The following COL20A1 variants were observed in gnomAD, a reference collection of about 807,000 sequenced individuals.
The protein encoded by COL20A1 is collagen type XX alpha 1 chain.
A neutral mutation model predicts 152.9 loss-of-function variants in COL20A1; 164 were observed. The observed-to-expected ratio is 1.07, with a 90% CI of 0.94 to 1.22. The LOEUF is 1.22. Among genes scored for constraint, COL20A1 ranks in the 50% most tolerant of loss-of-function variants. The pLI, the probability that COL20A1 is intolerant of heterozygous loss-of-function variation, is 0.00. For synonymous variants in COL20A1, 864 were observed against 756.0 expected, an observed-to-expected ratio of 1.14 and a Z score of -2.34; for missense variants, 1,873 against 1,744.8, an observed-to-expected ratio of 1.07 and a Z score of -1.31.
In COL20A1 at chr20:63,311,788, G is replaced by GC; in HGVS notation, c.1663+44dup. ...CCCGGCTGCCTGCCCACAGGCGGGT[G>GC]CCCCATCTTGTTCCTCAGCCTTCCA... On this transcript the variant is annotated intron_variant, in intron 13 of 35. Transcript: ENST00000358894. The surrounding 1 kb of genome is among the most constrained non-coding windows in gnomAD (Gnocchi z 4.4). The GC allele has an allele frequency of 1.3e-6, 2 of 1,555,948 alleles. No homozygotes were observed. Among genetic ancestry groups the GC allele is most frequent in the Non-Finnish European group, 1.7e-6 (2 of 1,157,272 alleles).
intron 2 of COL20A1, among the ~76,000 whole-genome samples, 153 bp downstream of exon 2, chr20:63,295,342 C>T (rs761138108): frequency 2.0e-5 from 3 of 152,230 alleles, no homozygotes; most frequent in African/African-American, 4.8e-5. Flanking sequence ...AAAGGCAAGA[C>T]GGGAGGGAGC....
chr20:63,307,064 A>G (rs1165130836), intron 5 of COL20A1, among the ~76,000 whole-genome samples: 1 of 152,062 alleles, frequency 6.6e-6, no homozygotes, highest in Non-Finnish European at 1.5e-5. Context: ...CCGCCTCACC[A>G]GGCACTGCTC....
At chr20:63,297,018 C>T (rs2067802652) in intron 2 of COL20A1, among the ~76,000 whole-genome samples, 2 of 152,246 alleles carry the variant, frequency 1.3e-5, no homozygotes, top group Non-Finnish European at 2.9e-5. Flanking sequence ...CCCCCTCTTC[C>T]TCTCAGATGG....
intron 1 of COL20A1, among the ~76,000 whole-genome samples, chr20:63,294,522 G>A (rs764130199): frequency 7.9e-5 from 12 of 151,956 alleles, no homozygotes; most frequent in African/African-American, 7.3e-5. Context: ...CCTCAGAGCC[G>A]TGTGCCCGTG....
At chr20:63,308,434 AC>A (rs2067958874) in intron 7 of COL20A1, 107 bp from the exon 8 acceptor site, 10 of 1,132,052 alleles carry the variant, frequency 8.8e-6, no homozygotes, top group Non-Finnish European at 1.2e-5. Context: ...GCCTCCTGAT[AC>A]CCCACAAGGG....
chr20:63,309,970 C>T, intron 10 of COL20A1, 55 bp downstream of exon 10: 1 of 1,466,412 alleles, frequency 6.8e-7, no homozygotes, highest in Non-Finnish European at 9.2e-7. Context: ...GTAGTGAGAT[C>T]TGATAAGCCA....
chr20:63,308,436 C>T (rs534627895), intron 7 of COL20A1, 106 bp from the exon 8 acceptor site: 1 of 1,159,804 alleles, frequency 8.6e-7, no homozygotes, highest in East Asian at 2.6e-5. Context: ...CTCCTGATAC[C>T]CCACAAGGGA....
At position 63,331,612 on chromosome 20, in the gene COL20A1, C is replaced by T. The variant is rs530255512; in HGVS notation, c.*896C>T. 1.1e-4 allele frequency: 17 copies of T among 152,362 alleles called. No individual in the cohort carries two copies. The highest frequency in any genetic ancestry group is 3.6e-4 in the African/African-American group (15 of 41,570). The allele number at this position is 152,362 out of a possible 1,614,324, so 9.4% of individuals were successfully genotyped here. A position where few individuals can be genotyped will look rare whatever the true frequency, so the allele number is the denominator to read the frequency against. On this transcript the variant is annotated 3_prime_UTR_variant, in exon 36 of 36. Transcript: ENST00000358894. ...GTGGCCCAAACAGCATGGGGGCAAGCTCAGAACACACACCTGGGCTTCTGG... is the reference window on the plus strand; with the variant it reads ...GTGGCCCAAACAGCATGGGGGCAAGTTCAGAACACACACCTGGGCTTCTGG...
intron 2 of COL20A1, among the ~76,000 whole-genome samples, chr20:63,296,977 G>C (rs2067801953): frequency 6.6e-6 from 1 of 152,208 alleles, no homozygotes; most frequent in African/African-American, 2.4e-5. Flanking sequence ...ACCCTCTCCA[G>C]AGCCCTGGGA....
intron 27 of COL20A1, among the ~76,000 whole-genome samples, chr20:63,322,539 A>C (rs773731000): frequency 1.4e-4 from 21 of 151,982 alleles, no homozygotes; most frequent in Non-Finnish European, 1.6e-4. Context: ...GTATTTTCAG[A>C]TGTCTCTAGG....
In COL20A1 at chr20:63,298,031, G is replaced by A; in HGVS notation, c.193+11G>A. On this transcript the variant is annotated intron_variant, in intron 3 of 35. Coordinates refer to ENST00000358894, the MANE Select transcript of COL20A1 (RefSeq NM_020882.4). ...TGAAGCCCATGGCAGGTGAGGACCT[G>A]CCCCTCCCAGGCCCCCTTCCCCATT... 6.3e-7 allele frequency: 1 copy of A among 1,582,736 alleles called. No individual in the cohort carries two copies. The highest frequency in any genetic ancestry group is 1.3e-5 in the African/African-American group (1 of 74,520).
Position 63,313,969 on chromosome 20 carries a change from G to A in COL20A1, c.2358+78G>A. 1.3e-6 allele frequency: 2 copies of A among 1,594,130 alleles called. No homozygotes were observed. Among genetic ancestry groups the A allele is most frequent in the East Asian group, 2.2e-5 (1 of 44,742 alleles). On this transcript the variant is annotated intron_variant, in intron 18 of 35. Transcript: ENST00000358894. The surrounding 1 kb of genome is among the most constrained non-coding windows in gnomAD (Gnocchi z 5.9). ...GGGTATGGCCACACTGTCTGCGAAG[G>A]GTGGCAGCTCTGCCATGGCGGGACG...
rs1296552969 is a variant in COL20A1 at position 63,331,351 on chromosome 20, G to A, written c.*635G>A. The A allele has an allele frequency of 6.6e-6, 1 of 152,296 alleles. No individual in the cohort carries two copies. Among genetic ancestry groups the A allele is most frequent in the Non-Finnish European group, 1.5e-5 (1 of 68,116 alleles). The allele number at this position is 152,296 out of a possible 1,614,324, so 9.4% of individuals were successfully genotyped here. On this transcript the variant is annotated 3_prime_UTR_variant, in exon 36 of 36. Transcript: ENST00000358894. ...TCCCCTCTGTCCCCAGCCCAAGAAG[G>A]AGTTCAGATCCTGTGTGTGAATGGC...
At chr20:63,325,846 C>T (rs1568788892) in intron 29 of COL20A1, 125 bp downstream of exon 29, 1 of 878,294 alleles carries the variant, frequency 1.1e-6, no homozygotes, top group Non-Finnish European at 1.8e-6. Flanking sequence ...TCCTGCCTCA[C>T]CTGCTGCACC....
rs760926480 is a variant in COL20A1 at position 63,316,705 on chromosome 20, G to C, written c.2663+14G>C. 3.9e-6 allele frequency: 6 copies of C among 1,523,094 alleles called. No homozygotes were observed. Among genetic ancestry groups the C allele is most frequent in the Non-Finnish European group, 5.3e-6 (6 of 1,134,758 alleles). The allele number at this position is 1,523,094 out of a possible 1,614,324, so 94.3% of individuals were successfully genotyped here. A position where few individuals can be genotyped will look rare whatever the true frequency, so the allele number is the denominator to read the frequency against. ...AAGACGGGTCAGGTGTGAGGGCAAG[G>C]GCTGGGGTGGAGCTGGAAGCCCAGG... On this transcript the variant is annotated intron_variant, in intron 21 of 35. Transcript: ENST00000358894.
chr20:63,293,760 G>T (rs1466148937), intron 1 of COL20A1, among the ~76,000 whole-genome samples: 1 of 152,020 alleles, frequency 6.6e-6, no homozygotes, highest in Non-Finnish European at 1.5e-5. Context: ...CCCTTGGCCG[G>T]CCGGGCGGGC....
In COL20A1 at chr20:63,320,323, T is replaced by G. The variant is rs1325421337; in HGVS notation, c.3108T>G (p.Ser1036Arg). Residue 1036 changes from serine (S) to arginine (R), a missense_variant, in exon 25 of 36, where the codon AGT (serine) becomes AGG (arginine). Transcript: ENST00000358894. ...FQLQMLQIVC[S>R]DTWADEDRCC... ...TCCAGATGCTGCAGATCGTGTGCAG[T>G]GACACCTGGGCCGATGAGGACCGGT... 2.5e-6 allele frequency: 4 copies of G among 1,611,068 alleles called. No homozygotes were observed. Among genetic ancestry groups the G allele is most frequent in the African/African-American group, 2.7e-5 (2 of 74,934 alleles).
At chr20:63,297,840 G>T in intron 2 of COL20A1, 70 bp from the exon 3 acceptor site, 1 of 1,218,118 alleles carries the variant, frequency 8.2e-7, no homozygotes, top group Non-Finnish European at 1.2e-6. Context: ...CAGGATGCCT[G>T]TACCCCCACA....
chr20:63,308,648 C>T lies in COL20A1; in HGVS notation c.882C>T (p.Asp294=), dbSNP rs377136576. ...VILVTDGKSQ[D]DVHTAARVLK... Reference sequence around the variant, plus strand: ...TGGTGACGGACGGCAAGTCCCAGGACGATGTGCACACTGCTGCCCGTGTCC... The same window carrying T: ...TGGTGACGGACGGCAAGTCCCAGGATGATGTGCACACTGCTGCCCGTGTCC... The change falls in exon 8 of 36, where the codon GAC becomes GAT. Residue 294 remains aspartate, a synonymous_variant. Coordinates refer to ENST00000358894, the MANE Select transcript of COL20A1 (RefSeq NM_020882.4). The T allele has an allele frequency of 3.8e-5, 61 of 1,607,650 alleles. No individual in the cohort carries two copies. The highest frequency in any genetic ancestry group is 1.1e-4 in the East Asian group (5 of 44,646).
Sources: allele counts gnomAD v4.1 joint callset (sites outside exome capture counted in the v4.1 genomes callset), GRCh38; gene constraint gnomAD v4.1.1; non-coding constraint Gnocchi (gnomAD v3.1); transcripts MANE v1.5; gene names NCBI Gene and HGNC (gene_info 2026-07-23, HGNC 2026-07-21).